The following SRCAP variants were observed in gnomAD, a reference collection of about 807,000 sequenced individuals.
SRCAP encodes chromatin remodeling protein SRCAP.
A neutral mutation model predicts 263.1 loss-of-function variants in SRCAP; 46 were observed. That is an observed-to-expected ratio of 0.17 (90% CI 0.14 to 0.22). The LOEUF (loss-of-function observed/expected upper bound fraction) is 0.22, where lower values mean the gene tolerates loss of function less well. Among genes scored for constraint, SRCAP ranks in the 10% least tolerant of loss-of-function variants. The probability of loss-of-function intolerance (pLI) is 1.00; values close to 1 mark genes in which losing one functional copy is unlikely to be tolerated. For missense variants in SRCAP, 3,695 were observed against 4,181.9 expected, an observed-to-expected ratio of 0.88 and a Z score of 3.21; for synonymous variants, 1,813 against 1,662.1, an observed-to-expected ratio of 1.09 and a Z score of -2.21.
rs34591256 is a variant in SRCAP at position 30,728,958 on chromosome 16, A to AC, written c.5659-3dup. 6.2e-7 allele frequency: 1 copy of AC among 1,601,626 alleles called. No homozygotes were observed. The highest frequency in any genetic ancestry group is 8.5e-7 in the Non-Finnish European group (1 of 1,171,872). ...GCTGATTACTTCCTCTTTTTCTCTC[A>AC]CCCCCAGGACTCCCTGGAGGAAAAG... On this transcript the variant is annotated splice_polypyrimidine_tract_variant and splice_region_variant and intron_variant, in intron 25 of 33. Transcript: ENST00000262518.
chr16:30,711,233 T>C, intron 10 of SRCAP, 145 bp downstream of exon 10: 1 of 687,166 alleles, frequency 1.5e-6, no homozygotes. Context: ...AAACCAGTAA[T>C]GATAAGTAGA....
chr16:30,704,645 CTG>C, intron 4 of SRCAP, among the ~76,000 whole-genome samples: 1 of 152,138 alleles, frequency 6.6e-6, no homozygotes, highest in African/African-American at 2.4e-5. Flanking sequence ...CAAGACCAGA[CTG>C]GGCAATGTGG....
At chr16:30,722,042 A>G in intron 21 of SRCAP, 80 bp from the exon 22 acceptor site, 1 of 1,517,696 alleles carries the variant, frequency 6.6e-7, no homozygotes, top group Non-Finnish European at 8.9e-7. Flanking sequence ...CACTCGGGGG[A>G]GAGGTGTGCT....
Position 30,737,577 on chromosome 16 carries a change from C to T in SRCAP, c.7537C>T (p.Pro2513Ser). Reference sequence around the variant, plus strand: ...CTGTACCCCTCCACCAGCTCATACACCGCCTCCAGCCCAAACCTGTCTTGT... The same window carrying T: ...CTGTACCCCTCCACCAGCTCATACATCGCCTCCAGCCCAAACCTGTCTTGT... ...PACTPPPAHTPPPAQTCLVTP... is the reference protein window; with the variant it reads ...PACTPPPAHTSPPAQTCLVTP... The change falls in exon 34 of 34, where the codon CCG (proline) becomes TCG (serine). Residue 2513 changes from proline (P) to serine (S), a missense_variant. This residue lies in a region of SRCAP where 1,207 missense variants were observed against 1,142.9 expected (regional missense o/e 1.06). Transcript: ENST00000262518. 1 of 1,614,108 alleles carries T rather than the reference C, an allele frequency of 6.2e-7. No individual in the cohort carries two copies. The highest frequency in any genetic ancestry group is 8.5e-7 in the Non-Finnish European group (1 of 1,180,010).
At position 30,738,334 on chromosome 16, in the gene SRCAP, G is replaced by A; in HGVS notation, c.8294G>A (p.Arg2765Gln). The A allele has an allele frequency of 5.1e-6, 8 of 1,574,286 alleles. No homozygotes were observed. The highest frequency in any genetic ancestry group is 2.2e-5 in the East Asian group (1 of 44,552). Residue 2765 changes from arginine (R) to glutamine (Q), a missense_variant, in exon 34 of 34, where the codon CGG becomes CAG. By Grantham distance (43) the Arg-to-Gln change is conservative. This residue lies in a region of SRCAP where 1,207 missense variants were observed against 1,142.9 expected (regional missense o/e 1.06). Transcript: ENST00000262518. ...GTGGTAGAGGAAAAGGAACTGGTGC[G>A]GCGGCGGCGGCAGCAGCGGGGAGCT... ...VTVVEEKELV[R>Q]RRRQQRGAAS...
chr16:30,738,069 C>G lies in SRCAP; in HGVS notation c.8029C>G (p.Leu2677Val), dbSNP rs201459891. The part of the protein sequence containing the change: ...PLEADRTSEE[L>V]TEAKTPTSSP... ...GGAGGCTGACAGGACCTCGGAAGAG[C>G]TGACAGAGGCCAAGACCCCAACCTC... Residue 2677 changes from leucine to valine, a missense_variant, in exon 34 of 34, where the codon CTG becomes GTG. Around this residue, in one of 12 missense-constraint regions of SRCAP, gnomAD observed 1,207 missense variants for 1,142.9 expected, o/e 1.06. Transcript: ENST00000262518. 6.2e-7 allele frequency: 1 copy of G among 1,614,150 alleles called. No homozygotes were observed. Among genetic ancestry groups the G allele is most frequent in the African/African-American group, 1.3e-5 (1 of 75,046 alleles).
chr16:30,724,433 C>T lies in SRCAP; in HGVS notation c.5009C>T (p.Ser1670Leu). The stretch of plus-strand genomic sequence containing the variant: ...ACTATGCTACCAGCCCCGGTTCCGT[C>T]ACCTCTCCCGAGCCCGGCTTCTACG... ...TQTMLPAPVP[S>L]PLPSPASTQT... The change falls in exon 25 of 34, where the codon TCA (serine) becomes TTA (leucine). Residue 1670 changes from serine (S) to leucine (L), a missense_variant. Ser to Leu is a moderately radical substitution (Grantham distance 145). This residue lies in a region of SRCAP where 1,347 missense variants were observed against 1,304.4 expected (regional missense o/e 1.03). Coordinates refer to ENST00000262518, the MANE Select transcript of SRCAP (RefSeq NM_006662.3). 1 of 1,614,236 alleles carries T rather than the reference C, an allele frequency of 6.2e-7. No homozygotes were observed. The highest frequency in any genetic ancestry group is 8.5e-7 in the Non-Finnish European group (1 of 1,180,034).
chr16:30,737,030 T>C lies in SRCAP; in HGVS notation c.7009-19T>C. ...TCTGCTTGCCTCCTCCTGACCACTT[T>C]TGGACCCTGTTGTTGTAGGAGCAAG... On this transcript the variant is annotated intron_variant, in intron 33 of 33. Coordinates refer to ENST00000262518, the MANE Select transcript of SRCAP (RefSeq NM_006662.3). 1 of 1,566,018 alleles carries C rather than the reference T, an allele frequency of 6.4e-7. No homozygotes were observed.
chr16:30,737,756 A>C lies in SRCAP; in HGVS notation c.7716A>C (p.Ser2572=). The change falls in exon 34 of 34, where the codon TCA becomes TCC. Residue 2572 remains serine (S), a synonymous_variant. Coordinates refer to ENST00000262518, the MANE Select transcript of SRCAP (RefSeq NM_006662.3). ...ESLELASVAS[S]ETSSLSLVPP... Reference sequence around the variant, plus strand: ...TGGAGCTGGCTTCTGTGGCCAGTTCAGAAACCTCCTCACTTTCTCTTGTGC... The same window carrying C: ...TGGAGCTGGCTTCTGTGGCCAGTTCCGAAACCTCCTCACTTTCTCTTGTGC... The C allele has an allele frequency of 6.2e-7, 1 of 1,614,192 alleles. No individual in the cohort carries two copies. Among genetic ancestry groups the C allele is most frequent in the Non-Finnish European group, 8.5e-7 (1 of 1,180,038 alleles).
rs1464242296 is a variant in SRCAP at position 30,737,819 on chromosome 16, G to A, written c.7779G>A (p.Leu2593=). 6.2e-7 allele frequency: 1 copy of A among 1,614,152 alleles called. No homozygotes were observed. The highest frequency in any genetic ancestry group is 2.2e-5 in the East Asian group (1 of 44,892). The change falls in exon 34 of 34, where the codon CTG becomes CTA. Residue 2593 remains leucine, a synonymous_variant. Coordinates refer to ENST00000262518, the MANE Select transcript of SRCAP (RefSeq NM_006662.3). ...TGTTGCCAGTTGCTGTGGAGATCCTGCCTGTGTCAGAGAAGAACCTTTCTC... is the reference window on the plus strand; with the variant it reads ...TGTTGCCAGTTGCTGTGGAGATCCTACCTGTGTCAGAGAAGAACCTTTCTC... The part of the protein sequence containing the change: ...KDLLPVAVEI[L]PVSEKNLSLT...
In SRCAP at chr16:30,733,207, A is replaced by G; in HGVS notation, c.6128-73A>G. 6.6e-7 allele frequency: 1 copy of G among 1,517,034 alleles called. No individual in the cohort carries two copies. Among genetic ancestry groups the G allele is most frequent in the Non-Finnish European group, 8.9e-7 (1 of 1,120,438 alleles). The allele number at this position is 1,517,034 out of a possible 1,614,324, so 94.0% of individuals were successfully genotyped here. A position where few individuals can be genotyped will look rare whatever the true frequency, so the allele number is the denominator to read the frequency against. On this transcript the variant is annotated intron_variant, in intron 27 of 33. Coordinates refer to ENST00000262518, the MANE Select transcript of SRCAP (RefSeq NM_006662.3). This position sits in a 1 kb window ranked among gnomAD's most constrained non-coding sequence, Gnocchi z 5.3. ...AAAGCATTGATTATCTTTCAACCCC[A>G]GCCTTGCATTGCTAAGCATTCTACC...
chr16:30,722,012 G>C, intron 21 of SRCAP, 110 bp from the exon 22 acceptor site: 1 of 1,359,628 alleles, frequency 7.4e-7, no homozygotes, highest in Non-Finnish European at 1.0e-6. Context: ...TGTGGGAAGG[G>C]CTTAGTTGTT....
intron 8 of SRCAP, chr16:30,710,408 T>C: frequency 1.5e-6 from 1 of 646,192 alleles, no homozygotes; most frequent in Admixed American, 2.4e-5. Flanking sequence ...ACTTGCCACT[T>C]CTCTGAACAT....
At chr16:30,709,362 T>TA in intron 6 of SRCAP, 151 bp from the exon 7 acceptor site, 2 of 742,234 alleles carry the variant, frequency 2.7e-6, no homozygotes, top group Non-Finnish European at 2.2e-6. Flanking sequence ...GTGCTTCCTT[T>TA]AGACCATAGT....
Position 30,737,546 on chromosome 16 carries a change from T to TCCTGCCTGTACCCCTCCA in SRCAP, c.7509_7526dup (p.Cys2505_Ala2510dup). 6.2e-7 allele frequency: 1 copy of TCCTGCCTGTACCCCTCCA among 1,612,786 alleles called. No homozygotes were observed. The highest frequency in any genetic ancestry group is 2.2e-5 in the East Asian group (1 of 44,862). On this transcript the variant is annotated inframe_insertion, in exon 34 of 34. Coordinates refer to ENST00000262518, the MANE Select transcript of SRCAP (RefSeq NM_006662.3). ...GTTCTTCTCCTGCCTGCACCCCTCCTCCTGCCTGTACCCCTCCACCAGCTC... is the reference window on the plus strand; with the variant it reads ...GTTCTTCTCCTGCCTGCACCCCTCCTCCTGCCTGTACCCCTCCACCTGCCTGTACCCCTCCACCAGCTC...
chr16:30,722,402 G>A, intron 22 of SRCAP, 116 bp downstream of exon 22: 2 of 1,516,848 alleles, frequency 1.3e-6, no homozygotes, highest in Non-Finnish European at 1.8e-6. Context: ...TGGTGGGTGG[G>A]GCCAACGGGC....
Position 30,733,513 on chromosome 16 carries a change from TG to T in SRCAP, c.6297+67del, listed in dbSNP as rs767275188. Reference sequence around the variant, plus strand: ...GCTTCTCTCTCCTTTTCCCAGGATTTGGGCTTCCAGACGGGGTGCCACTAAG... The same window carrying T: ...GCTTCTCTCTCCTTTTCCCAGGATTTGGCTTCCAGACGGGGTGCCACTAAG... On this transcript the variant is annotated intron_variant, in intron 28 of 33. Transcript: ENST00000262518. This position sits in a 1 kb window ranked among gnomAD's most constrained non-coding sequence, Gnocchi z 5.3. 3.0e-5 allele frequency: 48 copies of T among 1,607,526 alleles called. No individual in the cohort carries two copies. Among genetic ancestry groups the T allele is most frequent in the Middle Eastern group, 1.7e-4 (1 of 6,046 alleles).
intron 27 of SRCAP, 73 bp downstream of exon 27, chr16:30,729,645 G>A: frequency 6.4e-7 from 1 of 1,553,474 alleles, no homozygotes; most frequent in Non-Finnish European, 8.8e-7. Flanking sequence ...GTATCAGAGG[G>A]ATGCTGCACT....
At chr16:30,702,689 C>T (rs2052781907) in intron 3 of SRCAP, among the ~76,000 whole-genome samples, 2 of 149,272 alleles carry the variant, frequency 1.3e-5, no homozygotes, top group African/African-American at 5.0e-5. Context: ...CTTACTACAA[C>T]CTCTGCCTCC....
Sources: allele counts gnomAD v4.1 joint callset (sites outside exome capture counted in the v4.1 genomes callset), GRCh38; gene constraint gnomAD v4.1.1; regional missense constraint gnomAD v4.1.1; non-coding constraint Gnocchi (gnomAD v3.1); transcripts MANE v1.5; gene names NCBI Gene and HGNC (gene_info 2026-07-23, HGNC 2026-07-21).